The following NFAT5 variants were observed in gnomAD, a reference collection of about 807,000 sequenced individuals.
NFAT5 encodes the protein nuclear factor of activated T-cells 5.
In NFAT5, 31 loss-of-function variants were observed where a neutral mutation model predicts 166.5. The ratio of observed to expected loss-of-function variants is 0.19; its 90% confidence interval spans 0.14 to 0.25. NFAT5 has a LOEUF of 0.25. Among genes scored for constraint, NFAT5 ranks in the 10% least tolerant of loss-of-function variants. The probability of loss-of-function intolerance (pLI) is 1.00; values close to 1 mark genes in which losing one functional copy is unlikely to be tolerated. For synonymous variants in NFAT5, 612 were observed against 639.7 expected, an observed-to-expected ratio of 0.96 and a Z score of 0.65; for missense variants, 1,449 against 1,821.8, an observed-to-expected ratio of 0.80 and a Z score of 3.72.
rs1440165217 is a variant in NFAT5, at chr16:69,659,698, T to C, written c.1197-29T>C. 2.0e-6 allele frequency: 3 copies of C among 1,502,502 alleles called. No individual in the cohort carries two copies. In the African/African-American group the frequency reaches 4.2e-5, roughly 21 times the overall value. The allele number at this position is 1,502,502 out of a possible 1,614,324, so 93.1% of individuals were successfully genotyped here. A position where few individuals can be genotyped will look rare whatever the true frequency, so the allele number is the denominator to read the frequency against. Reference sequence around the variant, plus strand: ...ATTATACTATTTATACAACAAAATGTCCCTTTATATATTTTTTTTCTGTAT... The same window carrying C: ...ATTATACTATTTATACAACAAAATGCCCCTTTATATATTTTTTTTCTGTAT... On this transcript the variant is annotated intron_variant, in intron 6 of 14. Coordinates refer to ENST00000349945, the MANE Select transcript of NFAT5 (RefSeq NM_138713.4).
intron 7 of NFAT5, among the ~76,000 whole-genome samples, chr16:69,667,652 C>T (rs934329168): frequency 1.3e-5 from 2 of 152,044 alleles, no homozygotes; most frequent in African/African-American, 4.8e-5. Context: ...AAAGTTTTAT[C>T]AGTAATCAGT....
rs2037907076 is a variant in NFAT5, at chr16:69,702,049, A to T, written c.*5698A>T. On this transcript the variant is annotated 3_prime_UTR_variant, in exon 15 of 15. Transcript: ENST00000349945. ...AAAGGATCATCAGCAACAGGTCAGG[A>T]TAGTTCTACCTTTGGGATAGGGCTG... 1 of 152,612 alleles carries T rather than the reference A, an allele frequency of 6.6e-6. No homozygotes were observed. Among genetic ancestry groups the T allele is most frequent in the African/African-American group, 2.4e-5 (1 of 41,436 alleles). 9.5% of individuals were successfully genotyped at this position (152,612 alleles called of 1,614,324 possible).
At chr16:69,646,482 CT>C in intron 3 of NFAT5, 1 of 1,014,086 alleles carries the variant, frequency 9.9e-7, no homozygotes, top group Non-Finnish European at 1.3e-6. Context: ...ATCAGCAGCT[CT>C]TTTCTCATTT....
intron 2 of NFAT5, among the ~76,000 whole-genome samples, chr16:69,599,471 G>A (rs942933865): frequency 1.1e-4 from 16 of 152,118 alleles, no homozygotes; most frequent in African/African-American, 3.9e-4. Flanking sequence ...CAGCTGCTCG[G>A]GAGGCAGGAG....
intron 2 of NFAT5, among the ~76,000 whole-genome samples, chr16:69,573,869 CTTTTTT>C (rs774086026): frequency 8.9e-6 from 1 of 111,742 alleles, no homozygotes; most frequent in African/African-American, 3.6e-5. Context: ...AAAACAGCCA[CTTTTTT>C]TTTTTTTTTT....
At chr16:69,636,437 C>G (rs2034971166) in intron 3 of NFAT5, among the ~76,000 whole-genome samples, 1 of 152,210 alleles carries the variant, frequency 6.6e-6, no homozygotes, top group East Asian at 1.9e-4. Flanking sequence ...TGTGTGGGGT[C>G]TCCAACCCCA....
intron 11 of NFAT5, chr16:69,686,018 C>G (rs2037285447): frequency 6.6e-6 from 1 of 150,490 alleles, no homozygotes; most frequent in Admixed American, 6.6e-5. Context: ...GCACTCCAGT[C>G]TGGGCAACAA....
intron 7 of NFAT5, among the ~76,000 whole-genome samples, chr16:69,667,631 A>G (rs2036454299): frequency 6.6e-6 from 1 of 152,194 alleles, no homozygotes; most frequent in South Asian, 2.1e-4. Flanking sequence ...TTAAAAAATG[A>G]GATATGGGAA....
chr16:69,616,653 T>C (rs1294622362), intron 2 of NFAT5, among the ~76,000 whole-genome samples: 1 of 152,004 alleles, frequency 6.6e-6, no homozygotes, highest in African/African-American at 2.4e-5. Flanking sequence ...TGAGCCATCC[T>C]CCCCTGCACA....
intron 6 of NFAT5, among the ~76,000 whole-genome samples, chr16:69,659,458 A>G (rs2036030616): frequency 1.3e-5 from 2 of 152,120 alleles, no homozygotes; most frequent in African/African-American, 4.8e-5. Context: ...AAGATCTCTT[A>G]TAAGCCATTA....
intron 3 of NFAT5, among the ~76,000 whole-genome samples, chr16:69,637,162 AG>A (rs1344041412): frequency 6.6e-6 from 1 of 152,136 alleles, no homozygotes; most frequent in Non-Finnish European, 1.5e-5. Flanking sequence ...ACATAACAAG[AG>A]TCACCTTTAC....
At chr16:69,689,198 G>A (rs890156505) in intron 11 of NFAT5, among the ~76,000 whole-genome samples, 9 of 152,150 alleles carry the variant, frequency 5.9e-5, no homozygotes, top group Admixed American at 3.3e-4. Context: ...GATTGCCTGA[G>A]CCCAGGAGGT....
At position 69,699,870 on chromosome 16, in the gene NFAT5, G is replaced by T. The variant is rs564428785; in HGVS notation, c.*3519G>T. The T allele has an allele frequency of 1.3e-5, 2 of 151,926 alleles. No homozygotes were observed. The highest frequency in any genetic ancestry group is 2.1e-4 in the South Asian group (1 of 4,808). The allele number at this position is 151,926 out of a possible 1,614,324, so 9.4% of individuals were successfully genotyped here. On this transcript the variant is annotated 3_prime_UTR_variant, in exon 15 of 15. Coordinates refer to ENST00000349945, the MANE Select transcript of NFAT5 (RefSeq NM_138713.4). ...TGTGTGTATGTGTGTGTGTGTGTGTGTGTGTTTCCTTATTGTCATTCCATT... is the reference window on the plus strand; with the variant it reads ...TGTGTGTATGTGTGTGTGTGTGTGTTTGTGTTTCCTTATTGTCATTCCATT...
At chr16:69,588,980 C>CTTTTTTTTTTTTTTTTTTTTTTTTT (rs945918292) in intron 2 of NFAT5, among the ~76,000 whole-genome samples, 3 of 34,370 alleles carry the variant, frequency 8.7e-5, no homozygotes, top group East Asian at 1.3e-3. Context: ...TTTCCTACTT[C>CTTTTTTTTTTTTTTTTTTTTTTTTT]TTTTTTTTTT....
intron 10 of NFAT5, among the ~76,000 whole-genome samples, chr16:69,678,421 G>A (rs2036922020): frequency 1.3e-5 from 2 of 151,998 alleles, no homozygotes; most frequent in East Asian, 2.0e-4. Flanking sequence ...CACCATGTTA[G>A]CCAGGCTGGT....
intron 4 of NFAT5, among the ~76,000 whole-genome samples, chr16:69,652,946 T>C (rs922755313): frequency 1.3e-5 from 2 of 151,218 alleles, no homozygotes; most frequent in African/African-American, 2.5e-5. Flanking sequence ...CTCAGTTTAT[T>C]GCGCTCAATC....
At chr16:69,602,656 G>A (rs2033195453) in intron 2 of NFAT5, among the ~76,000 whole-genome samples, 1 of 150,780 alleles carries the variant, frequency 6.6e-6, no homozygotes, top group Non-Finnish European at 1.5e-5. Flanking sequence ...CTAGGCTGGA[G>A]TGCAGTGGCA....
intron 9 of NFAT5, 112 bp from the exon 10 acceptor site, chr16:69,677,091 T>C: frequency 9.7e-7 from 1 of 1,036,124 alleles, no homozygotes; most frequent in Non-Finnish European, 1.4e-6. Context: ...ATGCATTCTT[T>C]TTTTTTTAAT....
intron 2 of NFAT5, among the ~76,000 whole-genome samples, chr16:69,590,324 T>C (rs938255979): frequency 6.6e-6 from 1 of 152,224 alleles, no homozygotes; most frequent in African/African-American, 2.4e-5. Flanking sequence ...AATTTTGCTA[T>C]GGTATGCAAC....
Sources: gnomAD v4.1 joint callset for allele counts (sites outside exome capture counted in the v4.1 genomes callset) on GRCh38, gnomAD v4.1.1 for gene constraint, MANE v1.5 for transcripts, NCBI Gene and HGNC (gene_info 2026-07-23, HGNC 2026-07-21) for gene names.